TBC1D5: variants seen among roughly 807,000 people sequenced by gnomAD.
TBC1D5 encodes the protein TBC1 domain family, member 5.
TBC1D5 carries 75 observed loss-of-function variants against 100.3 expected under a neutral mutation model. The observed-to-expected ratio is 0.75, with a 90% CI of 0.62 to 0.91. TBC1D5 has a LOEUF of 0.91. Ranked by LOEUF, TBC1D5 falls within the 40% of genes least tolerant of loss-of-function variation. The pLI, the probability that TBC1D5 is intolerant of heterozygous loss-of-function variation, is 0.00. For synonymous variants in TBC1D5, 323 were observed against 325.6 expected (o/e 0.99, Z 0.09); for missense variants, 910 against 942.4 (o/e 0.97, Z 0.45).
At position 17,608,301 on chromosome 3, in the gene TBC1D5, T is replaced by C. The variant is rs149352380; in HGVS notation, c.-36+15548A>G. 9.2e-5 allele frequency among the ~76,000 whole-genome samples: 14 copies of C among 152,128 alleles called. No homozygotes were observed. In the East Asian group the frequency reaches 2.7e-3, roughly 29 times the overall value. ...AGTAAGACACAGATGCCCATTATCA[T>C]CACTTTTACTCAACTGTAATAAAAC... On this transcript the variant is annotated intron_variant, in intron 2 of 21. Coordinates refer to ENST00000253692, the Ensembl canonical transcript of TBC1D5.
chr3:17,519,982 C>G (rs949641315), intron 2 of TBC1D5, among the ~76,000 whole-genome samples: 3 of 152,178 alleles, frequency 2.0e-5, no homozygotes, highest in Non-Finnish European at 2.9e-5. Flanking sequence ...TTATATACTA[C>G]TTGGTGAAAA....
Position 17,342,608 on chromosome 3 carries a change from T to G in TBC1D5, c.995+29467A>C, listed in dbSNP as rs557975284. 2.4e-4 allele frequency among the ~76,000 whole-genome samples: 36 copies of G among 152,318 alleles called. 1 individual carries two copies. The South Asian group carries it at 7.5e-3, about 32-fold the overall frequency. On this transcript the variant is annotated intron_variant, in intron 13 of 21. Transcript: ENST00000253692. ...CTGACTATTAAAATAAATTTTTCCT[T>G]ATTCCAAAAGCAATCTGTATATGTC...
intron 17 of TBC1D5, among the ~76,000 whole-genome samples, chr3:17,225,389 G>A (rs1379748060): frequency 8.0e-5 from 12 of 149,778 alleles, no homozygotes; most frequent in Non-Finnish European, 3.0e-5. Flanking sequence ...CAGTGAGCTG[G>A]GAGTGCATCA....
In TBC1D5 at chr3:17,638,552, C is replaced by T. The variant is rs114545258; in HGVS notation, c.-100-14639G>A. ...AAAATTGCCCTGTGACTAATTCAGACTGTCTCAGCAGTAATATAAAGTATA... is the reference window on the plus strand; with the variant it reads ...AAAATTGCCCTGTGACTAATTCAGATTGTCTCAGCAGTAATATAAAGTATA... On this transcript the variant is annotated intron_variant, in intron 1 of 21. Transcript: ENST00000253692. 3.5e-3 allele frequency among the ~76,000 whole-genome samples: 533 copies of T among 152,242 alleles called. 4 individuals carry two copies. Among genetic ancestry groups the T allele is most frequent in the African/African-American group, 0.012 (505 of 41,554 alleles).
At chr3:17,511,965 C>A (rs190840958) in intron 2 of TBC1D5, among the ~76,000 whole-genome samples, 1 of 151,888 alleles carries the variant, frequency 6.6e-6, no homozygotes, top group Non-Finnish European at 1.5e-5. Flanking sequence ...ATTTAAATAA[C>A]CTAATTCAAA....
At chr3:17,485,172 A>C (rs1339806079) in intron 3 of TBC1D5, among the ~76,000 whole-genome samples, 2 of 152,038 alleles carry the variant, frequency 1.3e-5, no homozygotes, top group African/African-American at 2.4e-5. Context: ...GAATGGGTTT[A>C]TTTTTTTAAA....
At chr3:17,182,699 T>C (rs2068582787) in intron 19 of TBC1D5, among the ~76,000 whole-genome samples, 1 of 152,196 alleles carries the variant, frequency 6.6e-6, no homozygotes, top group Non-Finnish European at 1.5e-5. Context: ...ATTAAAATTA[T>C]ATTTAAACAA....
At chr3:17,709,621 T>C (rs929069412) in intron 1 of TBC1D5, among the ~76,000 whole-genome samples, 4 of 152,118 alleles carry the variant, frequency 2.6e-5, no homozygotes, top group African/African-American at 9.7e-5. Flanking sequence ...GAAATAATAA[T>C]GATTCCACTG....
At chr3:17,583,882 G>C (rs2096716165) in intron 2 of TBC1D5, among the ~76,000 whole-genome samples, 1 of 152,116 alleles carries the variant, frequency 6.6e-6, no homozygotes, top group South Asian at 2.1e-4. Flanking sequence ...CAGAGAATAG[G>C]TACTCAAACA....
chr3:17,327,894 G>A (rs1049680050), intron 13 of TBC1D5, among the ~76,000 whole-genome samples: 1 of 152,182 alleles, frequency 6.6e-6, no homozygotes. Context: ...CAATATATAT[G>A]TGTTGAATAA....
chr3:17,239,466 A>G (rs998374993), intron 16 of TBC1D5, among the ~76,000 whole-genome samples: 9 of 151,788 alleles, frequency 5.9e-5, no homozygotes, highest in Admixed American at 2.0e-4. Flanking sequence ...TTACCATCCC[A>G]TTTCTTCCTC....
chr3:17,708,529 G>C (rs866951460), intron 1 of TBC1D5, among the ~76,000 whole-genome samples: 1 of 152,080 alleles, frequency 6.6e-6, no homozygotes, highest in African/African-American at 2.4e-5. Flanking sequence ...TATTATGGGG[G>C]GGTCTGTCCT....
At chr3:17,262,042 G>A (rs986675494) in intron 15 of TBC1D5, among the ~76,000 whole-genome samples, 1 of 152,116 alleles carries the variant, frequency 6.6e-6, no homozygotes, top group Admixed American at 6.5e-5. Flanking sequence ...TTAACATTAT[G>A]TCTTCATCTG....
intron 13 of TBC1D5, among the ~76,000 whole-genome samples, chr3:17,310,566 T>C (rs2083910923): frequency 6.6e-6 from 1 of 152,076 alleles, no homozygotes; most frequent in African/African-American, 2.4e-5. Context: ...AAGTGCTTTA[T>C]GTATTTACAG....
At chr3:17,572,157 T>C (rs2096631206) in intron 2 of TBC1D5, among the ~76,000 whole-genome samples, 2 of 151,936 alleles carry the variant, frequency 1.3e-5, no homozygotes, top group Non-Finnish European at 2.9e-5. Context: ...CTTTCCCTGC[T>C]TATTCCTGCT....
chr3:17,635,749 G>C (rs925055976), intron 1 of TBC1D5, among the ~76,000 whole-genome samples: 1 of 152,192 alleles, frequency 6.6e-6, no homozygotes, highest in African/African-American at 2.4e-5. Flanking sequence ...CAGGGTACTG[G>C]TGCAGGCTTC....
chr3:17,610,118 T>C (rs576155862), intron 2 of TBC1D5, among the ~76,000 whole-genome samples: 85 of 152,314 alleles, frequency 5.6e-4, no homozygotes, highest in South Asian at 2.1e-3. Context: ...AATATAAGCA[T>C]TGAATATCTC....
chr3:17,355,807 G>C (rs2091165228), intron 13 of TBC1D5, among the ~76,000 whole-genome samples: 1 of 151,976 alleles, frequency 6.6e-6, no homozygotes, highest in African/African-American at 2.4e-5. Context: ...CAAATGTGGT[G>C]AATGAACAAT....
chr3:17,703,673 T>C (rs570175852), intron 1 of TBC1D5, among the ~76,000 whole-genome samples: 24 of 152,248 alleles, frequency 1.6e-4, no homozygotes, highest in African/African-American at 5.1e-4. Context: ...ATTAAGATCA[T>C]AGAACAGGGG....
Sources: allele counts gnomAD v4.1 joint callset (sites outside exome capture counted in the v4.1 genomes callset), GRCh38; gene constraint gnomAD v4.1.1; transcripts MANE v1.5; gene names NCBI Gene and HGNC (gene_info 2026-07-23, HGNC 2026-07-21).